GPD2: variants seen among roughly 807,000 people sequenced by gnomAD.
GPD2 encodes the protein glycerol-3-phosphate dehydrogenase, mitochondrial.
A neutral mutation model predicts 82.4 loss-of-function variants in GPD2; 54 were observed. The observed-to-expected ratio is 0.66, with a 90% CI of 0.53 to 0.82. GPD2 has a LOEUF of 0.82. GPD2 is among the 40% of genes least tolerant of loss of function. The pLI, the probability that GPD2 is intolerant of heterozygous loss-of-function variation, is 0.00. For synonymous variants in GPD2, 288 were observed against 306.1 expected (o/e 0.94, Z 0.62); for missense variants, 748 against 896.2 (o/e 0.83, Z 2.11).
intron 3 of GPD2, among the ~76,000 whole-genome samples, chr2:156,501,002 T>G (rs1020244913): frequency 1.1e-4 from 17 of 152,160 alleles, no homozygotes; most frequent in Non-Finnish European, 2.1e-4. Context: ...CAAAGGAAGC[T>G]GGAAAAGGAG....
At chr2:156,504,435 G>A (rs938051271) in intron 3 of GPD2, among the ~76,000 whole-genome samples, 6 of 151,468 alleles carry the variant, frequency 4.0e-5, no homozygotes, top group African/African-American at 1.5e-4. Context: ...GCAGCATGTG[G>A]CTTTAATACC....
At chr2:156,566,351 T>C (rs1687389829) in intron 9 of GPD2, among the ~76,000 whole-genome samples, 1 of 152,074 alleles carries the variant, frequency 6.6e-6, no homozygotes, top group South Asian at 2.1e-4. Context: ...CAACTGAAAT[T>C]CTGTAACCAT....
intron 1 of GPD2, among the ~76,000 whole-genome samples, chr2:156,444,847 G>A (rs780856004): frequency 1.3e-4 from 20 of 152,086 alleles, no homozygotes; most frequent in African/African-American, 3.1e-4. Context: ...GCACTCCTAC[G>A]TCACGCGATT....
At chr2:156,464,614 T>G (rs1683090865) in intron 1 of GPD2, among the ~76,000 whole-genome samples, 1 of 152,174 alleles carries the variant, frequency 6.6e-6, no homozygotes, top group African/African-American at 2.4e-5. Flanking sequence ...ACATTAAATA[T>G]ATGTGTAGTG....
intron 1 of GPD2, among the ~76,000 whole-genome samples, chr2:156,463,995 T>C (rs1397471504): frequency 2.0e-5 from 3 of 152,186 alleles, no homozygotes; most frequent in Non-Finnish European, 4.4e-5. Context: ...AAATATCTTT[T>C]TCTTTAGTTT....
chr2:156,531,081 A>G (rs898267782), intron 6 of GPD2, among the ~76,000 whole-genome samples: 1 of 152,224 alleles, frequency 6.6e-6, no homozygotes, highest in Non-Finnish European at 1.5e-5. Context: ...ATTTAAAGTG[A>G]TGTAAATATC....
At chr2:156,497,647 T>TAC (rs373024487) in intron 3 of GPD2, among the ~76,000 whole-genome samples, 38 of 151,646 alleles carry the variant, frequency 2.5e-4, no homozygotes, top group East Asian at 7.7e-4. Flanking sequence ...TAATGAGGTC[T>TAC]ACACACACAC....
chr2:156,408,146 G>A, the GPD2 span, among the ~76,000 whole-genome samples: 3 of 151,340 alleles, frequency 2.0e-5, no homozygotes, highest in Admixed American at 6.6e-5. Context: ...GTAGACATGG[G>A]GTTTTGCTAT....
intron 2 of GPD2, among the ~76,000 whole-genome samples, chr2:156,494,696 G>A (rs1684306135): frequency 6.6e-6 from 1 of 152,160 alleles, no homozygotes; most frequent in African/African-American, 2.4e-5. Flanking sequence ...CTTCAAATGG[G>A]GCTCCTGCAG....
At chr2:156,496,273 G>A (rs1573930416) in intron 3 of GPD2, 58 bp downstream of exon 3, 1 of 1,229,192 alleles carries the variant, frequency 8.1e-7, no homozygotes, top group East Asian at 2.5e-5. Flanking sequence ...TGCAGGATGT[G>A]CAGGTTTGTT....
chr2:156,481,369 TA>T (rs1278323372), intron 2 of GPD2, among the ~76,000 whole-genome samples: 72 of 152,274 alleles, frequency 4.7e-4, no homozygotes, highest in South Asian at 1.2e-3. Flanking sequence ...TTGTTAACCA[TA>T]TTCAGCATAT....
intron 3 of GPD2, among the ~76,000 whole-genome samples, chr2:156,498,308 A>G (rs1684459991): frequency 6.6e-6 from 1 of 152,196 alleles, no homozygotes; most frequent in Non-Finnish European, 1.5e-5. Flanking sequence ...ACCACATTAC[A>G]TGATAGAGAA....
chr2:156,510,684 C>T (rs1435224350), intron 3 of GPD2, 112 bp from the exon 4 acceptor site: 2 of 829,376 alleles, frequency 2.4e-6, no homozygotes, highest in Non-Finnish European at 4.1e-6. Flanking sequence ...CAAATTTATC[C>T]ATGTTCAGAG....
chr2:156,492,649 T>C (rs1459707256), intron 2 of GPD2, among the ~76,000 whole-genome samples: 2 of 152,006 alleles, frequency 1.3e-5, no homozygotes, highest in Non-Finnish European at 2.9e-5. Flanking sequence ...TGTGAAGGCC[T>C]TTGGGAGAAT....
At chr2:156,559,571 T>G (rs1687092689) in intron 9 of GPD2, among the ~76,000 whole-genome samples, 1 of 152,212 alleles carries the variant, frequency 6.6e-6, no homozygotes, top group African/African-American at 2.4e-5. Flanking sequence ...ACAAAATGCT[T>G]CAAAACTGCT....
intron 6 of GPD2, among the ~76,000 whole-genome samples, chr2:156,540,406 C>A (rs752734899): frequency 1.3e-5 from 2 of 152,198 alleles, no homozygotes; most frequent in Non-Finnish European, 2.9e-5. Flanking sequence ...TTCTTCCTCT[C>A]CTATGGGATG....
At chr2:156,409,251 G>A in the GPD2 span, among the ~76,000 whole-genome samples, 2 of 152,146 alleles carry the variant, frequency 1.3e-5, no homozygotes, top group Non-Finnish European at 2.9e-5. Context: ...TAATGCATTA[G>A]GTTATCAAGA....
In GPD2 at chr2:156,475,146, G is replaced by C. The variant is rs561550955; in HGVS notation, c.-8-952G>C. On this transcript the variant is annotated intron_variant, in intron 1 of 16. Transcript: ENST00000438166. ...AGAAAGAAAAAAATATAAATACAGA[G>C]AGCACAAATATACAGTGAGTGCTTG... Among the ~76,000 whole-genome samples, 6 of 152,146 alleles carry C rather than the reference G, an allele frequency of 3.9e-5. No homozygotes were observed. The South Asian group carries it at 1.0e-3, about 26-fold the overall frequency.
intron 6 of GPD2, among the ~76,000 whole-genome samples, chr2:156,546,704 A>C (rs1409295902): frequency 6.6e-6 from 1 of 152,160 alleles, no homozygotes; most frequent in East Asian, 1.9e-4. Flanking sequence ...AGCAAGGGAT[A>C]CCTTCTGGGA....
Sources: gnomAD v4.1 joint callset for allele counts (sites outside exome capture counted in the v4.1 genomes callset) on GRCh38, gnomAD v4.1.1 for gene constraint, MANE v1.5 for transcripts, NCBI Gene and HGNC (gene_info 2026-07-23, HGNC 2026-07-21) for gene names.